ARHGEF9: variants seen among roughly 807,000 people sequenced by gnomAD.
ARHGEF9 encodes Cdc42 guanine nucleotide exchange factor 9.
In ARHGEF9, 2 loss-of-function variants were observed where a neutral mutation model predicts 41.3. That is an observed-to-expected ratio of 0.05 (90% CI 0.02 to 0.15). ARHGEF9 has a LOEUF of 0.15. ARHGEF9 is among the 10% of genes least tolerant of loss of function. The pLI, the probability that ARHGEF9 is intolerant of heterozygous loss-of-function variation, is 1.00. For missense variants in ARHGEF9, 225 were observed against 424.7 expected, an observed-to-expected ratio of 0.53 and a Z score of 4.13; for synonymous variants, 160 against 154.4, an observed-to-expected ratio of 1.04 and a Z score of -0.27.
At position 63,715,020 on chromosome X, in the gene ARHGEF9, T is replaced by A. The variant is rs2053203029; in HGVS notation, c.211-8571A>T. On this transcript the variant is annotated intron_variant, in intron 2 of 9. Coordinates refer to ENST00000671741, the MANE Select transcript of ARHGEF9 (RefSeq NM_001353921.2). The stretch of plus-strand genomic sequence containing the variant: ...TGACAAGGCTTCTTAAAGTGAGAAC[T>A]CAAGCTAGAATGGGGGTGGATTGGA... Among the ~76,000 whole-genome samples, 3 of 111,648 alleles carry A rather than the reference T, an allele frequency of 2.7e-5. No homozygotes were observed. In the South Asian group the frequency reaches 1.1e-3, roughly 42 times the overall value.
At chrX:63,708,535 T>G (rs1234624637) in intron 2 of ARHGEF9, among the ~76,000 whole-genome samples, 24 of 111,943 alleles carry the variant, frequency 2.1e-4, no homozygotes, top group African/African-American at 7.5e-4. Context: ...CGAAGGCAAC[T>G]GCAGCCAAGT....
chrX:63,760,171 A>T (rs1204812750), intron 1 of ARHGEF9, among the ~76,000 whole-genome samples: 1 of 108,687 alleles, frequency 9.2e-6, no homozygotes, highest in Non-Finnish European at 1.9e-5. Context: ...GCCAGGAAGC[A>T]CTCCCAGGCA....
At position 63,722,228 on chromosome X, in the gene ARHGEF9, A is replaced by T. The variant is rs781962548; in HGVS notation, c.210+2304T>A. On this transcript the variant is annotated intron_variant, in intron 2 of 9. Transcript: ENST00000671741. ...CAACAGGTAGGGCTAACTTGAACAG[A>T]ACCACACTAACCACCCTTGATTATC... 2.7e-5 allele frequency among the ~76,000 whole-genome samples: 3 copies of T among 111,505 alleles called. No individual in the cohort carries two copies. In the East Asian group the frequency reaches 8.4e-4, roughly 31 times the overall value.
At chrX:63,646,410 G>T (rs1444073566) in intron 8 of ARHGEF9, among the ~76,000 whole-genome samples, 52 of 111,930 alleles carry the variant, frequency 4.6e-4, no homozygotes, top group Admixed American at 4.4e-3. Context: ...TTTTGTATAA[G>T]GTGTAAGGAA....
rs782606842 is a variant in ARHGEF9, at chrX:63,731,759, C to T, written c.31-7048G>A. ...TATTTTTCGTAGAGACAGGGTTTCA[C>T]CATGTTGGCCAGGCTGGTCTTGAAC... On this transcript the variant is annotated intron_variant, in intron 1 of 9. Coordinates refer to ENST00000671741, the MANE Select transcript of ARHGEF9 (RefSeq NM_001353921.2). Among the ~76,000 whole-genome samples, 11 of 110,344 alleles carry T rather than the reference C, an allele frequency of 1.0e-4. No individual in the cohort carries two copies. The South Asian group carries it at 2.7e-3, about 27-fold the overall frequency.
chrX:63,685,983 G>T (rs782195392), intron 4 of ARHGEF9, among the ~76,000 whole-genome samples: 1 of 111,415 alleles, frequency 9.0e-6, no homozygotes, highest in East Asian at 2.8e-4. Context: ...ACTAAAAATC[G>T]AATTACCATT....
chrX:63,754,274 C>G, intron 1 of ARHGEF9: 1 of 1,203,570 alleles, frequency 8.3e-7, no homozygotes, highest in South Asian at 1.8e-5. Context: ...AGACAAGACA[C>G]GACAAAAGAT....
In ARHGEF9 at chrX:63,756,450, A is replaced by C. The variant is rs782206640; in HGVS notation, c.30+28666T>G. Among the ~76,000 whole-genome samples the C allele has an allele frequency of 6.2e-5, 7 of 112,705 alleles. 1 individual carries two copies. In the East Asian group the frequency reaches 1.9e-3, roughly 31 times the overall value. Reference sequence around the variant, plus strand: ...TGTCCAACAACTGATGAATGGGTAAACAAAATGTGGTATATACATACAATG... The same window carrying C: ...TGTCCAACAACTGATGAATGGGTAACCAAAATGTGGTATATACATACAATG... On this transcript the variant is annotated intron_variant, in intron 1 of 9. Coordinates refer to ENST00000671741, the MANE Select transcript of ARHGEF9 (RefSeq NM_001353921.2).
intron 4 of ARHGEF9, among the ~76,000 whole-genome samples, chrX:63,681,185 C>G (rs1479606449): frequency 9.0e-6 from 1 of 111,498 alleles, no homozygotes; most frequent in Non-Finnish European, 1.9e-5. Context: ...CCCAGTGACC[C>G]AGCACAGCTA....
Position 63,643,761 on chromosome X carries a change from C to A in ARHGEF9, c.1390+219G>T, listed in dbSNP as rs1236925593. Among the ~76,000 whole-genome samples, 3 of 109,490 alleles carry A rather than the reference C, an allele frequency of 2.7e-5. No individual in the cohort carries two copies. The East Asian group carries it at 8.5e-4, about 31-fold the overall frequency. ...AACAGAGGTTATATTTTTTGCTATA[C>A]TCAATGAGCTATCTTTGGATACCAA... On this transcript the variant is annotated intron_variant, in intron 9 of 9. Coordinates refer to ENST00000671741, the MANE Select transcript of ARHGEF9 (RefSeq NM_001353921.2).
chrX:63,703,386 G>A (rs1251704663), intron 3 of ARHGEF9: 1 of 111,935 alleles, frequency 8.9e-6, no homozygotes, highest in Non-Finnish European at 1.9e-5. Flanking sequence ...ACTTCCACTG[G>A]GCTAGTACCT....
intron 1 of ARHGEF9, among the ~76,000 whole-genome samples, chrX:63,741,442 G>A (rs1486664270): frequency 8.9e-6 from 1 of 112,665 alleles, no homozygotes; most frequent in Admixed American, 9.3e-5. Flanking sequence ...GCCCACTTAG[G>A]AAAAAGTGAC....
intron 7 of ARHGEF9, 28 bp from the exon 8 acceptor site, chrX:63,655,765 A>G (rs1173128453): frequency 8.3e-7 from 1 of 1,200,913 alleles, no homozygotes; most frequent in Non-Finnish European, 1.1e-6. Flanking sequence ...GGTTTCTTGA[A>G]GGTATGTGCA....
At chrX:63,723,204 C>G (rs2053742002) in intron 2 of ARHGEF9, among the ~76,000 whole-genome samples, 1 of 111,290 alleles carries the variant, frequency 9.0e-6, no homozygotes, top group Non-Finnish European at 1.9e-5. Flanking sequence ...GTGCTAGACA[C>G]CTTATTGGCA....
intron 5 of ARHGEF9, among the ~76,000 whole-genome samples, chrX:63,674,812 A>T (rs1323754199): frequency 1.8e-5 from 2 of 111,368 alleles, no homozygotes; most frequent in Non-Finnish European, 3.8e-5. Context: ...TCTGTGCCTG[A>T]GCTCTCTTAC....
intron 6 of ARHGEF9, among the ~76,000 whole-genome samples, chrX:63,670,035 C>T (rs183547662): frequency 8.9e-6 from 1 of 111,912 alleles, no homozygotes; most frequent in East Asian, 2.8e-4. Flanking sequence ...GCCAGCTTAT[C>T]TACCTTCCTT....
intron 4 of ARHGEF9, among the ~76,000 whole-genome samples, chrX:63,684,163 CAAAAA>C (rs200445894): frequency 7.7e-5 from 8 of 104,362 alleles, no homozygotes; most frequent in African/African-American, 2.8e-4. Flanking sequence ...CACTTCACAG[CAAAAA>C]AAAACAAATA....
chrX:63,682,155 A>AT (rs1556370129), intron 4 of ARHGEF9, among the ~76,000 whole-genome samples: 1 of 109,145 alleles, frequency 9.2e-6, no homozygotes, highest in Non-Finnish European at 1.9e-5. Context: ...AAATAAATAA[A>AT]TAAATAAATA....
chrX:63,646,450 C>T (rs1318615970), intron 8 of ARHGEF9, among the ~76,000 whole-genome samples: 1 of 111,998 alleles, frequency 8.9e-6, no homozygotes, highest in Non-Finnish European at 1.9e-5. Context: ...CTCCATATGG[C>T]TAGCCAGTTT....
Sources: gnomAD v4.1 joint callset for allele counts (sites outside exome capture counted in the v4.1 genomes callset) on GRCh38, gnomAD v4.1.1 for gene constraint, MANE v1.5 for transcripts, NCBI Gene and HGNC (gene_info 2026-07-23, HGNC 2026-07-21) for gene names.